RPS6KA2: variants seen among roughly 807,000 people sequenced by gnomAD.
The protein encoded by RPS6KA2 is ribosomal protein S6 kinase alpha-2.
Under a neutral mutation model 91.8 loss-of-function variants are expected in RPS6KA2, and 42 were observed. The ratio of observed to expected loss-of-function variants is 0.46; its 90% CI spans 0.36 to 0.59. RPS6KA2 has a LOEUF of 0.59. Among genes scored for constraint, RPS6KA2 ranks in the 20% least tolerant of loss-of-function variants. The pLI is 0.00. For synonymous variants in RPS6KA2, 414 were observed against 393.6 expected, an observed-to-expected ratio of 1.05 and a Z score of -0.61; for missense variants, 798 against 978.5, an observed-to-expected ratio of 0.82 and a Z score of 2.46.
chr6:166,446,027 A>C (rs979971963), intron 14 of RPS6KA2, among the ~76,000 whole-genome samples: 6 of 152,258 alleles, frequency 3.9e-5, no homozygotes, highest in Non-Finnish European at 5.9e-5. Flanking sequence ...ACAAAGGCCA[A>C]AAGTATTTCA....
chr6:166,760,629 T>C (rs10806858), intron 2 of RPS6KA2, among the ~76,000 whole-genome samples: 89,158 of 151,678 alleles, frequency 0.59, 26,646 homozygotes, highest in East Asian at 0.71. Context: ...AATGCTCATC[T>C]TTCCTGCACC....
chr6:166,518,846 A>G (rs1220286039), intron 3 of RPS6KA2, among the ~76,000 whole-genome samples: 1 of 152,258 alleles, frequency 6.6e-6, no homozygotes, highest in African/African-American at 2.4e-5. Flanking sequence ...CATATGAAAT[A>G]CTAGGACTGG....
intron 2 of RPS6KA2, among the ~76,000 whole-genome samples, chr6:166,643,398 G>A (rs1228585978): frequency 6.6e-6 from 1 of 152,134 alleles, no homozygotes; most frequent in Non-Finnish European, 1.5e-5. Flanking sequence ...GATACATCAT[G>A]CAAAAACTAA....
At chr6:166,575,373 C>A (rs1784810317) in intron 1 of RPS6KA2, among the ~76,000 whole-genome samples, 1 of 152,184 alleles carries the variant, frequency 6.6e-6, no homozygotes, top group Non-Finnish European at 1.5e-5. Context: ...GAGTCCAGAC[C>A]TGCCAAATCG....
Position 166,648,176 on chromosome 6 carries a change from A to T in RPS6KA2, c.124-109392T>A, listed in dbSNP as rs944869238. 2.0e-5 allele frequency among the ~76,000 whole-genome samples: 3 copies of T among 150,846 alleles called. No homozygotes were observed. Among genetic ancestry groups the T allele is most frequent in the African/African-American group, 7.3e-5 (3 of 40,840 alleles). ...GTTACACACCCATGCACACATGCTC[A>T]CACACATGCACACATGCTCATACAC... On this transcript the variant is annotated intron_variant, in intron 2 of 21. Coordinates refer to the RPS6KA2 transcript ENST00000503859. The surrounding 1 kb of genome is among the most constrained non-coding windows in gnomAD (Gnocchi z 4.8).
chr6:166,492,202 T>C (rs1307278788), intron 8 of RPS6KA2, among the ~76,000 whole-genome samples: 1 of 152,236 alleles, frequency 6.6e-6, no homozygotes, highest in Non-Finnish European at 1.5e-5. Context: ...GTTTGAAGCC[T>C]GTTCTGTCAC....
At chr6:166,453,382 CAAAT>C (rs1779981208) in intron 12 of RPS6KA2, among the ~76,000 whole-genome samples, 1 of 152,056 alleles carries the variant, frequency 6.6e-6, no homozygotes, top group African/African-American at 2.4e-5. Context: ...AACAACAAAA[CAAAT>C]AACCCCATTA....
At chr6:166,799,185 C>T (rs1316639019) in intron 2 of RPS6KA2, among the ~76,000 whole-genome samples, 2 of 152,216 alleles carry the variant, frequency 1.3e-5, no homozygotes, top group African/African-American at 4.8e-5. Context: ...AATCTCAGTG[C>T]CGAGCCTGTT....
At chr6:166,502,889 T>C (rs1464746001) in intron 6 of RPS6KA2, among the ~76,000 whole-genome samples, 1 of 152,220 alleles carries the variant, frequency 6.6e-6, no homozygotes, top group Non-Finnish European at 1.5e-5. Flanking sequence ...TCTTTTTTGA[T>C]TCTACGTTGA....
intron 1 of RPS6KA2, among the ~76,000 whole-genome samples, chr6:166,549,855 C>T (rs374133006): frequency 6.6e-6 from 1 of 152,194 alleles, no homozygotes; most frequent in South Asian, 2.1e-4. Flanking sequence ...TGAAATTCCT[C>T]GTTTTCATAC....
Position 166,508,154 on chromosome 6 carries a change from C to G in RPS6KA2, c.459+49G>C. 7.8e-7 allele frequency: 1 copy of G among 1,283,220 alleles called. No individual in the cohort carries two copies. The allele number at this position is 1,283,220 out of a possible 1,614,324, so 79.5% of individuals were successfully genotyped here. On this transcript the variant is annotated intron_variant, in intron 5 of 20. Transcript: ENST00000265678. The surrounding 1 kb of genome is among the most constrained non-coding windows in gnomAD (Gnocchi z 4.3). ...CTCCACCCCTCCTCCCCTCGAGTCCCAGACAGAAGCTCCTGCCCGCCCTCC... is the reference window on the plus strand; with the variant it reads ...CTCCACCCCTCCTCCCCTCGAGTCCGAGACAGAAGCTCCTGCCCGCCCTCC...
chr6:166,590,710 G>A (rs770975136), intron 1 of RPS6KA2, among the ~76,000 whole-genome samples: 6 of 151,904 alleles, frequency 3.9e-5, no homozygotes, highest in Admixed American at 6.6e-5. Context: ...CTCATTTCCC[G>A]TTGCATCATG....
At chr6:166,620,234 C>T (rs1234557606) in intron 1 of RPS6KA2, among the ~76,000 whole-genome samples, 1 of 152,198 alleles carries the variant, frequency 6.6e-6, no homozygotes, top group Admixed American at 6.5e-5. Context: ...TCTTTGGCAA[C>T]AGGAGGAAAT....
intron 3 of RPS6KA2, among the ~76,000 whole-genome samples, chr6:166,516,040 G>A (rs1304785738): frequency 3.3e-5 from 5 of 152,202 alleles, no homozygotes; most frequent in Non-Finnish European, 7.3e-5. Flanking sequence ...GATGTCTTAT[G>A]TCTCCCTAGA....
intron 11 of RPS6KA2, among the ~76,000 whole-genome samples, chr6:166,465,070 T>C (rs780458586): frequency 2.0e-5 from 3 of 152,332 alleles, no homozygotes; most frequent in Non-Finnish European, 4.4e-5. Flanking sequence ...GCAAAATAAA[T>C]ATCCTAATAT....
Position 166,412,414 on chromosome 6 carries a change from C to T in RPS6KA2, c.*348G>A, listed in dbSNP as rs1335450151. On this transcript the variant is annotated 3_prime_UTR_variant, in exon 21 of 21. Transcript: ENST00000265678. The surrounding 1 kb of genome is among the most constrained non-coding windows in gnomAD (Gnocchi z 4.3). ...GGAGTCTGACCAAACCGACCGGCTT[C>T]ATAATTGGAAAACAGATCTCTCGGC... The T allele has an allele frequency of 6.1e-6, 1 of 164,882 alleles. No individual in the cohort carries two copies. Among genetic ancestry groups the T allele is most frequent in the Non-Finnish European group, 1.3e-5 (1 of 76,274 alleles). 10.2% of individuals were successfully genotyped at this position (164,882 alleles called of 1,614,324 possible). A position where few individuals can be genotyped will look rare whatever the true frequency, so the allele number is the denominator to read the frequency against.
In RPS6KA2 at chr6:166,558,889, G is replaced by A. The variant is rs533240337; in HGVS notation, c.100-20105C>T. On this transcript the variant is annotated intron_variant, in intron 1 of 20. Coordinates refer to ENST00000265678, the MANE Select transcript of RPS6KA2 (RefSeq NM_021135.6). ...AAATTCAGTCTTGAGGAAACATTTG[G>A]TGTTTCAAGTGCTTTATGTGAGGCA... 3.3e-5 allele frequency among the ~76,000 whole-genome samples: 5 copies of A among 152,288 alleles called. No homozygotes were observed. In the East Asian group the frequency reaches 9.6e-4, roughly 29 times the overall value.
chr6:166,815,896 G>A (rs1216643105), intron 2 of RPS6KA2, among the ~76,000 whole-genome samples: 1 of 152,120 alleles, frequency 6.6e-6, no homozygotes, highest in Non-Finnish European at 1.5e-5. Context: ...AAAAATAAAA[G>A]GAGTGAATTG....
chr6:166,746,821 C>T (rs1791028923), intron 2 of RPS6KA2, among the ~76,000 whole-genome samples: 1 of 152,246 alleles, frequency 6.6e-6, no homozygotes. Context: ...TAATTTGCCT[C>T]AAGTTCCCTC....
Sources: gnomAD v4.1 joint callset for allele counts (sites outside exome capture counted in the v4.1 genomes callset) on GRCh38, gnomAD v4.1.1 for gene constraint, Gnocchi (gnomAD v3.1) non-coding constraint, MANE v1.5 for transcripts, NCBI Gene and HGNC (gene_info 2026-07-23, HGNC 2026-07-21) for gene names.